IGSF11: variants seen among roughly 807,000 people sequenced by gnomAD.
IGSF11 encodes immunoglobulin superfamily member 11.
IGSF11 carries 22 observed loss-of-function variants against 41.0 expected under a neutral mutation model. That is an observed-to-expected ratio of 0.54 (90% confidence interval 0.38 to 0.77). IGSF11 has a LOEUF of 0.77. IGSF11 is among the 30% of genes least tolerant of loss of function. The probability of loss-of-function intolerance (pLI) is 0.00; values close to 1 mark genes in which losing one functional copy is unlikely to be tolerated. For missense variants in IGSF11, 444 were observed against 530.8 expected (o/e 0.84, Z 1.61); for synonymous variants, 219 against 201.3 (o/e 1.09, Z -0.74).
At chr3:119,093,542 C>T (rs551846430) in intron 1 of IGSF11, among the ~76,000 whole-genome samples, 1 of 152,282 alleles carries the variant, frequency 6.6e-6, no homozygotes, top group Non-Finnish European at 1.5e-5. Context: ...GTATCTTCAA[C>T]GTCAATACCG....
chr3:119,026,114 CA>C (rs1939798081), intron 1 of IGSF11, among the ~76,000 whole-genome samples: 1 of 152,106 alleles, frequency 6.6e-6, no homozygotes, highest in Non-Finnish European at 1.5e-5. Context: ...ACTAAAAATA[CA>C]AAAATTCTTC....
rs555284034 is a variant in IGSF11, at chr3:119,011,670, G to A, written c.52+22861C>T. Among the ~76,000 whole-genome samples the A allele has an allele frequency of 2.6e-5, 4 of 152,260 alleles. No individual in the cohort carries two copies. The South Asian group carries it at 8.3e-4, about 32-fold the overall frequency. On this transcript the variant is annotated intron_variant, in intron 1 of 6. Transcript: ENST00000393775. ...TCTGGCTAACCAAGGAGCCATATATGTACAGGCCAGACTCAAGGCGGCCTG... is the reference window on the plus strand; with the variant it reads ...TCTGGCTAACCAAGGAGCCATATATATACAGGCCAGACTCAAGGCGGCCTG...
chr3:118,967,205 A>C (rs1045199578), intron 1 of IGSF11, among the ~76,000 whole-genome samples: 2 of 152,122 alleles, frequency 1.3e-5, no homozygotes, highest in African/African-American at 4.8e-5. Context: ...ATATATATGT[A>C]CATATGTATG....
intron 5 of IGSF11, 132 bp downstream of exon 5, chr3:118,905,464 T>C (rs1044129748): frequency 1.1e-5 from 11 of 998,560 alleles, no homozygotes; most frequent in Non-Finnish European, 1.5e-5. Flanking sequence ...CAATAATAAT[T>C]AAAACCAAAA....
In IGSF11 at chr3:118,904,711, G is replaced by A. The variant is rs777385379; in HGVS notation, c.791C>T (p.Ala264Val). The A allele has an allele frequency of 2.5e-6, 4 of 1,612,270 alleles. No homozygotes were observed. In the Admixed American group the frequency reaches 6.7e-5, roughly 27 times the overall value. ...ATTTTTGCTTCTCCAGTAAAAGAAT[G>A]CCCCTAAAATTAGTGCAATGCAAAA... Reference protein sequence around the residue: ...IIFCIALILGAFFYWRSKNKE... With the variant: ...IIFCIALILGVFFYWRSKNKE... Residue 264 changes from alanine to valine, a missense_variant, in exon 6 of 7, where the codon GCA becomes GTA. By Grantham distance (64) the Ala-to-Val change is moderately conservative. Around this residue, in one of 3 missense-constraint regions of IGSF11, gnomAD observed 223 missense variants for 226.2 expected, o/e 0.99. Coordinates refer to ENST00000393775, the MANE Select transcript of IGSF11 (RefSeq NM_001015887.3).
chr3:118,922,345 T>G (rs1259947371), intron 4 of IGSF11, among the ~76,000 whole-genome samples: 1 of 152,128 alleles, frequency 6.6e-6, no homozygotes, highest in East Asian at 1.9e-4. Flanking sequence ...GATATACATA[T>G]ATACTGTGAA....
chr3:118,910,388 T>C (rs1940123852), intron 4 of IGSF11, among the ~76,000 whole-genome samples: 2 of 152,196 alleles, frequency 1.3e-5, no homozygotes, highest in South Asian at 4.1e-4. Flanking sequence ...AAACATCTAA[T>C]CGAGCCCCAT....
chr3:118,901,362 A>G lies in IGSF11; in HGVS notation c.*1158T>C, dbSNP rs1252205905. The G allele has an allele frequency of 1.3e-5, 2 of 152,218 alleles. No individual in the cohort carries two copies. The highest frequency in any genetic ancestry group is 4.8e-5 in the African/African-American group (2 of 41,456). The allele number at this position is 152,218 out of a possible 1,614,324, so 9.4% of individuals were successfully genotyped here. A position where few individuals can be genotyped will look rare whatever the true frequency, so the allele number is the denominator to read the frequency against. On this transcript the variant is annotated 3_prime_UTR_variant, in exon 7 of 7. Coordinates refer to ENST00000393775, the MANE Select transcript of IGSF11 (RefSeq NM_001015887.3). The stretch of plus-strand genomic sequence containing the variant: ...GGGTAGACACTTCCAGGAGCACACC[A>G]GAAGATAACACCTTTAGTCTCAGTC...
chr3:118,950,890 C>A (rs535000048), intron 1 of IGSF11, among the ~76,000 whole-genome samples: 61 of 152,184 alleles, frequency 4.0e-4, no homozygotes, highest in African/African-American at 1.4e-3. Flanking sequence ...TGCTTGGGAG[C>A]AGATTAACAG....
upstream of IGSF11, among the ~76,000 whole-genome samples, chr3:119,106,842 G>T (rs2077038105): frequency 6.6e-6 from 1 of 151,930 alleles, no homozygotes. Context: ...GCAGTGTTTG[G>T]TTTTTTGTCC....
intron 1 of IGSF11, among the ~76,000 whole-genome samples, chr3:119,061,166 A>T (rs1271827832): frequency 6.6e-6 from 1 of 152,152 alleles, no homozygotes. Flanking sequence ...ATATCTAATC[A>T]TTATTATTAC....
chr3:119,024,003 G>A (rs1939576176), intron 1 of IGSF11, among the ~76,000 whole-genome samples: 1 of 152,148 alleles, frequency 6.6e-6, no homozygotes, highest in East Asian at 1.9e-4. Flanking sequence ...GGACATTATG[G>A]AATTAAAGGG....
intron 1 of IGSF11, among the ~76,000 whole-genome samples, chr3:119,011,201 G>A (rs905031101): frequency 8.5e-5 from 13 of 152,144 alleles, no homozygotes; most frequent in African/African-American, 3.1e-4. Context: ...TCAGGGTTTT[G>A]CAGCTTTTCC....
At chr3:118,910,918 T>C (rs1940192788) in intron 4 of IGSF11, among the ~76,000 whole-genome samples, 1 of 152,170 alleles carries the variant, frequency 6.6e-6, no homozygotes, top group East Asian at 1.9e-4. Context: ...CAGGAACAAG[T>C]AATATTTCTA....
chr3:118,953,450 T>G lies in IGSF11; in HGVS notation c.53-23175A>C, dbSNP rs565792221. 2.6e-5 allele frequency among the ~76,000 whole-genome samples: 4 copies of G among 152,342 alleles called. No individual in the cohort carries two copies. In the South Asian group the frequency reaches 8.3e-4, roughly 32 times the overall value. On this transcript the variant is annotated intron_variant, in intron 1 of 6. Coordinates refer to ENST00000393775, the MANE Select transcript of IGSF11 (RefSeq NM_001015887.3). The stretch of plus-strand genomic sequence containing the variant: ...CTGGATCAAATGGTAGTTCTACTTT[T>G]ATTAATAGTTATTTAAGGAATCTCC...
At chr3:118,983,954 G>A (rs570270197) in intron 1 of IGSF11, among the ~76,000 whole-genome samples, 8 of 151,940 alleles carry the variant, frequency 5.3e-5, no homozygotes, top group South Asian at 2.1e-4. Flanking sequence ...TTTAGCTTCC[G>A]TCAGTGGGTG....
chr3:118,929,628 T>C (rs1182199505), intron 2 of IGSF11, among the ~76,000 whole-genome samples: 1 of 152,196 alleles, frequency 6.6e-6, no homozygotes, highest in African/African-American at 2.4e-5. Flanking sequence ...TCCATTTTCA[T>C]GTACATTCTT....
intron 1 of IGSF11, among the ~76,000 whole-genome samples, chr3:118,976,676 C>A (rs1470499372): frequency 6.6e-6 from 1 of 152,232 alleles, no homozygotes; most frequent in Non-Finnish European, 1.5e-5. Context: ...GGCAACCCTT[C>A]TTCCCCGAAG....
intron 1 of IGSF11, among the ~76,000 whole-genome samples, chr3:119,021,294 T>G (rs1164298334): frequency 1.3e-5 from 2 of 152,038 alleles, no homozygotes; most frequent in Admixed American, 1.3e-4. Flanking sequence ...AAACTTAACC[T>G]CAACTCCAGA....
Sources: gnomAD v4.1 joint callset for allele counts (sites outside exome capture counted in the v4.1 genomes callset) on GRCh38, gnomAD v4.1.1 for gene constraint, gnomAD v4.1.1 regional missense constraint, MANE v1.5 for transcripts, NCBI Gene and HGNC (gene_info 2026-07-23, HGNC 2026-07-21) for gene names.